LRRC20: variants seen among roughly 807,000 people sequenced by gnomAD.
LRRC20 encodes leucine rich repeat containing 20, also known as leucine-rich repeat-containing protein 20.
A neutral mutation model predicts 14.4 loss-of-function variants in LRRC20; 11 were observed. The ratio of observed to expected loss-of-function variants is 0.77; its 90% confidence interval spans 0.48 to 1.27. The LOEUF (loss-of-function observed/expected upper bound fraction) is 1.27, where lower values mean the gene tolerates loss of function less well. Among genes scored for constraint, LRRC20 ranks in the 50% most tolerant of loss-of-function variants. LRRC20 has a pLI of 0.00. For synonymous variants in LRRC20, 121 were observed against 107.3 expected (o/e 1.13, Z -0.79); for missense variants, 219 against 251.2 (o/e 0.87, Z 0.87).
At chr10:70,320,932 A>C (rs919580467) in intron 4 of LRRC20, among the ~76,000 whole-genome samples, 43 of 152,094 alleles carry the variant, frequency 2.8e-4, no homozygotes, top group Admixed American at 2.6e-3. Flanking sequence ...CTCTATTCGG[A>C]AACAAGAGGA....
chr10:70,318,220 G>A (rs10999266), intron 4 of LRRC20, among the ~76,000 whole-genome samples: 11,520 of 152,222 alleles, frequency 0.076, 703 homozygotes, highest in East Asian at 0.3. Flanking sequence ...TCAGAAAGCC[G>A]GGGGTCAGGG....
rs7921619 is a variant in LRRC20, at chr10:70,382,614, A to T, written c.-129T>A. 0.58 allele frequency: 87,008 copies of T among 150,806 alleles called. 26,117 individuals are homozygous for T. Among genetic ancestry groups the T allele is most frequent in the Non-Finnish European group, 0.66 (44,717 of 67,516 alleles). 9.3% of individuals were successfully genotyped at this position (150,806 alleles called of 1,614,324 possible). A position where few individuals can be genotyped will look rare whatever the true frequency, so the allele number is the denominator to read the frequency against. On this transcript the variant is annotated 5_prime_UTR_variant, in exon 1 of 5. Transcript: ENST00000446961. ...CTCCCTCCGCCGCCGGCGGCGCCCC[A>T]GGCGAGTTCCGAGCCGGCGGGGCGG...
chr10:70,357,940 G>T (rs531912993), intron 2 of LRRC20, among the ~76,000 whole-genome samples: 1 of 152,228 alleles, frequency 6.6e-6, no homozygotes. Flanking sequence ...ACCTTGGAGA[G>T]GCTTGGGCAG....
At chr10:70,357,358 T>A (rs530018145) in intron 2 of LRRC20, among the ~76,000 whole-genome samples, 1 of 152,298 alleles carries the variant, frequency 6.6e-6, no homozygotes, top group African/African-American at 2.4e-5. Context: ...TTACAGTATT[T>A]GAATATACCT....
At chr10:70,351,584 A>G (rs1843313939) in intron 2 of LRRC20, among the ~76,000 whole-genome samples, 1 of 152,114 alleles carries the variant, frequency 6.6e-6, no homozygotes, top group Admixed American at 6.6e-5. Flanking sequence ...CATTATAAAC[A>G]TTTTCTTTTT....
intron 2 of LRRC20, among the ~76,000 whole-genome samples, chr10:70,358,333 A>C (rs1843604914): frequency 6.6e-6 from 1 of 152,178 alleles, no homozygotes; most frequent in Non-Finnish European, 1.5e-5. Flanking sequence ...AGCAGATGGA[A>C]GCTGCGAGAG....
chr10:70,344,651 C>T (rs992467063), intron 2 of LRRC20, among the ~76,000 whole-genome samples: 8 of 152,186 alleles, frequency 5.3e-5, no homozygotes, highest in African/African-American at 1.4e-4. Flanking sequence ...ACTGCAGCCT[C>T]GAACTCCTGG....
chr10:70,309,924 C>T (rs534138112), intron 4 of LRRC20, among the ~76,000 whole-genome samples: 19 of 152,360 alleles, frequency 1.2e-4, no homozygotes, highest in African/African-American at 3.6e-4. Flanking sequence ...GCGGCACTGC[C>T]GGGGTCTCGG....
chr10:70,347,894 G>A (rs549598585), intron 2 of LRRC20, among the ~76,000 whole-genome samples: 98 of 151,832 alleles, frequency 6.5e-4, no homozygotes, highest in African/African-American at 2.3e-3. Flanking sequence ...GCTTCATCTG[G>A]CCAACTGACA....
At chr10:70,346,986 A>G (rs1443135116) in intron 2 of LRRC20, among the ~76,000 whole-genome samples, 2 of 152,070 alleles carry the variant, frequency 1.3e-5, no homozygotes, top group Non-Finnish European at 2.9e-5. Context: ...CCCAAGCTCA[A>G]GTGATTCTCC....
At position 70,301,437 on chromosome 10, in the gene LRRC20, C is replaced by T. The variant is rs141475966; in HGVS notation, c.472G>A (p.Ala158Thr). ...SINLRFNPLN[A>T]EVRVIAPPLI... ...GGCGGGGCGATCACGCGCACCTCGG[C>T]GTTGAGTGGGTTGAAGCGGAGGTTG... Residue 158 changes from alanine to threonine, a missense_variant, in exon 5 of 5, where the codon GCC becomes ACC. By Grantham distance (58) the Ala-to-Thr change is moderately conservative (BLOSUM62 0). Coordinates refer to ENST00000446961, the MANE Select transcript of LRRC20 (RefSeq NM_001278212.2). 26 of 1,613,816 alleles carry T rather than the reference C, an allele frequency of 1.6e-5. No individual in the cohort carries two copies. The highest frequency in any genetic ancestry group is 1.6e-4 in the African/African-American group (12 of 74,944).
rs560988838 is a variant in LRRC20, at chr10:70,372,502, C to T, written c.82+3950G>A. Among the ~76,000 whole-genome samples the T allele has an allele frequency of 2.2e-3, 314 of 143,184 alleles. 2 individuals are homozygous for T. Among genetic ancestry groups the T allele is most frequent in the Admixed American group, 0.018 (253 of 13,772 alleles). 93.9% of individuals were successfully genotyped at this position (143,184 alleles called of 152,430 possible). A position where few individuals can be genotyped will look rare whatever the true frequency, so the allele number is the denominator to read the frequency against. On this transcript the variant is annotated intron_variant, in intron 2 of 4. Coordinates refer to ENST00000446961, the MANE Select transcript of LRRC20 (RefSeq NM_001278212.2). ...TGTCACCCAGGCTGGAGTCCAGTGG[C>T]GCAATCTCAGCTCACTGCAGGCTCC... is the stretch of plus-strand genomic sequence containing the variant.
chr10:70,327,313 G>T (rs954740583), intron 3 of LRRC20, among the ~76,000 whole-genome samples: 6 of 152,162 alleles, frequency 3.9e-5, no homozygotes, highest in African/African-American at 1.4e-4. Flanking sequence ...AGTGGCTCAC[G>T]CCTGTAATCC....
At chr10:70,367,411 A>G (rs1175406736) in intron 2 of LRRC20, among the ~76,000 whole-genome samples, 1 of 152,212 alleles carries the variant, frequency 6.6e-6, no homozygotes, top group African/African-American at 2.4e-5. Flanking sequence ...GCAAATGTTT[A>G]CAGGCTTTGT....
At chr10:70,332,708 T>C (rs1842583493) in intron 3 of LRRC20, among the ~76,000 whole-genome samples, 2 of 152,388 alleles carry the variant, frequency 1.3e-5, no homozygotes, top group African/African-American at 4.8e-5. Context: ...CTTGTTACTT[T>C]ATGCTCTGTT....
chr10:70,327,826 C>T (rs1049640277), intron 3 of LRRC20, among the ~76,000 whole-genome samples: 13 of 152,254 alleles, frequency 8.5e-5, no homozygotes, highest in African/African-American at 2.9e-4. Context: ...CCCAGCCAGC[C>T]GTGTCCAGAG....
intron 3 of LRRC20, among the ~76,000 whole-genome samples, chr10:70,325,015 T>TG (rs1433188099): frequency 6.6e-6 from 1 of 152,036 alleles, no homozygotes; most frequent in Non-Finnish European, 1.5e-5. Context: ...GAGGTAGAGG[T>TG]GAGGCCCCAG....
intron 4 of LRRC20, among the ~76,000 whole-genome samples, chr10:70,315,659 G>A (rs576046690): frequency 5.6e-4 from 85 of 152,104 alleles, no homozygotes; most frequent in African/African-American, 1.9e-3. Flanking sequence ...GTTTGGAGAC[G>A]CCCCCCCACA....
chr10:70,341,780 AT>A (rs1180295452), intron 2 of LRRC20, among the ~76,000 whole-genome samples: 3 of 152,248 alleles, frequency 2.0e-5, no homozygotes, highest in African/African-American at 4.8e-5. Flanking sequence ...CACCAAAAAA[AT>A]TTTTAAAAAA....
Sources: allele counts gnomAD v4.1 joint callset (sites outside exome capture counted in the v4.1 genomes callset), GRCh38; gene constraint gnomAD v4.1.1; transcripts MANE v1.5; gene names NCBI Gene and HGNC (gene_info 2026-07-23, HGNC 2026-07-21).